PDCD2: variants seen among roughly 807,000 people sequenced by gnomAD.
PDCD2 encodes the protein uS5 assembly chaperone PDCD2.
In PDCD2, 38 loss-of-function variants were observed where a neutral mutation model predicts 38.1. That is an observed-to-expected ratio of 1.00 (90% CI 0.77 to 1.31). The LOEUF (loss-of-function observed/expected upper bound fraction) is 1.31, where lower values mean the gene tolerates loss of function less well. PDCD2 is among the 50% of genes most tolerant of loss of function. The probability of loss-of-function intolerance (pLI) is 0.00; values close to 1 mark genes in which losing one functional copy is unlikely to be tolerated. For synonymous variants in PDCD2, 205 were observed against 168.9 expected (o/e 1.21, Z -1.66); for missense variants, 473 against 435.7 (o/e 1.09, Z -0.76).
At chr6:170,579,028 G>T in intron 4 of PDCD2, 58 bp from the exon 5 acceptor site, 1 of 1,030,762 alleles carries the variant, frequency 9.7e-7, no homozygotes, top group Non-Finnish European at 1.5e-6. Flanking sequence ...AGTTGCCAAT[G>T]GTAACATGCT....
Position 170,584,542 on chromosome 6 carries a change from C to T in PDCD2, c.40G>A (p.Ala14Thr). 1.5e-6 allele frequency: 2 copies of T among 1,360,440 alleles called. No individual in the cohort carries two copies. The highest frequency in any genetic ancestry group is 1.9e-6 in the Non-Finnish European group (2 of 1,058,740). The allele number at this position is 1,360,440 out of a possible 1,614,324, so 84.3% of individuals were successfully genotyped here. ...AGTCGCCACGCCGGCGCCGACTCGG[C>T]GAAGCCCAGCTCCACAGGCCTGGCC... The part of the protein sequence containing the change: ...AGARPVELGF[A>T]ESAPAWRLRS... The change falls in exon 1 of 6, where the codon GCC becomes ACC. Residue 14 changes from alanine to threonine, a missense_variant. Transcript: ENST00000541970.
Position 170,575,935 on chromosome 6 carries a change from C to G in PDCD2, c.*1624G>C, listed in dbSNP as rs188753274. On this transcript the variant is annotated 3_prime_UTR_variant, in exon 6 of 6. Coordinates refer to ENST00000541970, the MANE Select transcript of PDCD2 (RefSeq NM_002598.4). Reference sequence around the variant, plus strand: ...GTCATTAGCAGTCATAACGTACTTACAGATTCTGCCTATAAGGAATAATAC... The same window carrying G: ...GTCATTAGCAGTCATAACGTACTTAGAGATTCTGCCTATAAGGAATAATAC... 1 of 152,204 alleles carries G rather than the reference C, an allele frequency of 6.6e-6. No homozygotes were observed. Among genetic ancestry groups the G allele is most frequent in the Non-Finnish European group, 1.5e-5 (1 of 68,042 alleles). The allele number at this position is 152,204 out of a possible 1,614,324, so 9.4% of individuals were successfully genotyped here. A position where few individuals can be genotyped will look rare whatever the true frequency, so the allele number is the denominator to read the frequency against.
chr6:170,583,635 A>G lies in PDCD2; in HGVS notation c.396T>C (p.Ala132=). The change falls in exon 2 of 6, where the codon GCT becomes GCC. Residue 132 remains alanine, a synonymous_variant. Transcript: ENST00000541970. ...ESVCLQLKSG[A]HLCRVCGCLG... ...AACAGCCACAAACCCTGCAGAGATG[A>G]GCACCAGACTTAAGCTGGAGACACA... is the stretch of plus-strand genomic sequence containing the variant. 6.2e-7 allele frequency: 1 copy of G among 1,614,116 alleles called. No individual in the cohort carries two copies. Among genetic ancestry groups the G allele is most frequent in the South Asian group, 1.1e-5 (1 of 91,076 alleles).
chr6:170,584,118 T>A, intron 1 of PDCD2, 181 bp downstream of exon 1: 1 of 608,392 alleles, frequency 1.6e-6, no homozygotes, highest in Non-Finnish European at 2.5e-6. Flanking sequence ...GAAGCTTATG[T>A]AGCAAAAATG....
chr6:170,580,260 A>T (rs1271611205), intron 3 of PDCD2, among the ~76,000 whole-genome samples, 155 bp from the exon 4 acceptor site: 4 of 152,104 alleles, frequency 2.6e-5, no homozygotes, highest in Non-Finnish European at 4.4e-5. Context: ...ACTCCATCCA[A>T]CTCTATTATA....
At position 170,577,419 on chromosome 6, in the gene PDCD2, T is replaced by A; in HGVS notation, c.*140A>T. On this transcript the variant is annotated 3_prime_UTR_variant, in exon 6 of 6. Coordinates refer to ENST00000541970, the MANE Select transcript of PDCD2 (RefSeq NM_002598.4). ...TCACTGGACACTTTTGTTTCACTAATAAGTAGACACTGTGTAAGCAATCTG... is the reference window on the plus strand; with the variant it reads ...TCACTGGACACTTTTGTTTCACTAAAAAGTAGACACTGTGTAAGCAATCTG... 1 of 704,702 alleles carries A rather than the reference T, an allele frequency of 1.4e-6. No homozygotes were observed. Among genetic ancestry groups the A allele is most frequent in the South Asian group, 2.0e-5 (1 of 50,394 alleles). 43.7% of individuals were successfully genotyped at this position (704,702 alleles called of 1,614,324 possible).
At chr6:170,577,795 A>G in intron 5 of PDCD2, 78 bp from the exon 6 acceptor site, 1 of 1,377,736 alleles carries the variant, frequency 7.3e-7, no homozygotes, top group Non-Finnish European at 1.0e-6. Context: ...GGATGATTAT[A>G]GGGATCTTGG....
At chr6:170,580,956 C>T (rs1483984275) in intron 3 of PDCD2, 1 of 152,136 alleles carries the variant, frequency 6.6e-6, no homozygotes, top group East Asian at 1.9e-4. Context: ...TGTAGGATGC[C>T]TTCAGATTGA....
At position 170,577,369 on chromosome 6, in the gene PDCD2, G is replaced by A. The variant is rs988570939; in HGVS notation, c.*190C>T. The A allele has an allele frequency of 7.2e-6, 4 of 558,312 alleles. No homozygotes were observed. Among genetic ancestry groups the A allele is most frequent in the Non-Finnish European group, 1.3e-5 (4 of 314,012 alleles). 34.6% of individuals were successfully genotyped at this position (558,312 alleles called of 1,614,324 possible). A position where few individuals can be genotyped will look rare whatever the true frequency, so the allele number is the denominator to read the frequency against. ...GACTGTGTAGCCTTCCTCTGTGGATGTACCAAAATTTATTTAATTCCCTGT... is the reference window on the plus strand; with the variant it reads ...GACTGTGTAGCCTTCCTCTGTGGATATACCAAAATTTATTTAATTCCCTGT... On this transcript the variant is annotated 3_prime_UTR_variant, in exon 6 of 6. Coordinates refer to ENST00000541970, the MANE Select transcript of PDCD2 (RefSeq NM_002598.4).
Position 170,575,915 on chromosome 6 carries a change from T to TAGC in PDCD2, c.*1641_*1643dup, listed in dbSNP as rs1779440871. On this transcript the variant is annotated 3_prime_UTR_variant, in exon 6 of 6. Coordinates refer to ENST00000541970, the MANE Select transcript of PDCD2 (RefSeq NM_002598.4). ...TTAACATGTTTGCTTTAAAAGTCAT[T>TAGC]AGCAGTCATAACGTACTTACAGATT... 6.6e-6 allele frequency: 1 copy of TAGC among 152,232 alleles called. No homozygotes were observed. Among genetic ancestry groups the TAGC allele is most frequent in the Non-Finnish European group, 1.5e-5 (1 of 68,042 alleles). 9.4% of individuals were successfully genotyped at this position (152,232 alleles called of 1,614,324 possible).
At chr6:170,584,276 C>T (rs4140616) in intron 1 of PDCD2, 23 bp downstream of exon 1, 568,831 of 1,402,488 alleles carry the variant, frequency 0.41, 118,517 homozygotes, top group East Asian at 0.78. Context: ...ATGGCCCCGT[C>T]CCGACCCCGT....
At chr6:170,579,945 T>C (rs1779547754) in intron 4 of PDCD2, 57 bp downstream of exon 4, 2 of 884,966 alleles carry the variant, frequency 2.3e-6, no homozygotes, top group Admixed American at 1.8e-5. Context: ...TTACAGATTA[T>C]ACTCATAAAA....
rs17860823 is a variant in PDCD2 at position 170,580,452 on chromosome 6, C to T, written c.659-347G>A. 6.0e-3 allele frequency among the ~76,000 whole-genome samples: 919 copies of T among 152,308 alleles called. 4 individuals are homozygous for T. The highest frequency in any genetic ancestry group is 9.8e-3 in the Non-Finnish European group (669 of 68,028). On this transcript the variant is annotated intron_variant, in intron 3 of 5. Transcript: ENST00000541970. ...ATTTCTGGCCTGGAGCAGTGGCTCA[C>T]GCCTGTAATCCCAGTACTTTGGGAG...
intron 5 of PDCD2, chr6:170,578,432 T>C: frequency 1.8e-6 from 1 of 566,996 alleles, no homozygotes. Flanking sequence ...TTATATCCAT[T>C]TTTTCTAACA....
At chr6:170,578,451 A>G in intron 5 of PDCD2, 1 of 574,164 alleles carries the variant, frequency 1.7e-6, no homozygotes, top group Non-Finnish European at 3.1e-6. Flanking sequence ...CAAATCCACA[A>G]ACCAAGATTA....
intron 3 of PDCD2, chr6:170,582,439 G>C: frequency 1.4e-6 from 2 of 1,435,948 alleles, no homozygotes; most frequent in Non-Finnish European, 1.8e-6. Context: ...TTAATATTAT[G>C]TGACCAAAGA....
intron 5 of PDCD2, among the ~76,000 whole-genome samples, chr6:170,577,931 A>C (rs1779488988): frequency 6.6e-6 from 1 of 152,236 alleles, no homozygotes; most frequent in South Asian, 2.1e-4. Flanking sequence ...CCATTTGAGA[A>C]AGAAGTTCAC....
chr6:170,581,018 A>G (rs1349189602), intron 3 of PDCD2: 1 of 152,204 alleles, frequency 6.6e-6, no homozygotes, highest in Non-Finnish European at 1.5e-5. Context: ...AGGACACTGT[A>G]AATGCTGTTC....
intron 5 of PDCD2, among the ~76,000 whole-genome samples, chr6:170,578,170 A>AG (rs1554247683): frequency 2.0e-5 from 3 of 151,892 alleles, no homozygotes; most frequent in Admixed American, 2.0e-4. Context: ...CAGAATAGCC[A>AG]CCTGATATGG....
Sources: allele counts gnomAD v4.1 joint callset (sites outside exome capture counted in the v4.1 genomes callset), GRCh38; gene constraint gnomAD v4.1.1; transcripts MANE v1.5; gene names NCBI Gene and HGNC (gene_info 2026-07-23, HGNC 2026-07-21).